DLGAP1: variants seen among roughly 807,000 people sequenced by gnomAD.
DLGAP1 encodes the protein disks large-associated protein 1.
DLGAP1 carries 11 observed loss-of-function variants against 90.8 expected under a neutral mutation model. That is an observed-to-expected ratio of 0.12 (90% CI 0.08 to 0.20). The LOEUF (loss-of-function observed/expected upper bound fraction) is 0.20. Ranked by LOEUF, DLGAP1 falls within the 10% of genes least tolerant of loss-of-function variation. DLGAP1 has a pLI of 1.00. For missense variants in DLGAP1, 1,050 were observed against 1,333.8 expected, an observed-to-expected ratio of 0.79 and a Z score of 3.31; for synonymous variants, 558 against 540.7, an observed-to-expected ratio of 1.03 and a Z score of -0.44.
At position 3,814,116 on chromosome 18, in the gene DLGAP1, C is replaced by T. The variant is rs1188288808; in HGVS notation, c.1115G>A (p.Arg372Gln). ...SPKPSPKVAA[R>Q]RESYLKATQP... Reference sequence around the variant, plus strand: ...AGTAGCCTTGAGATAGCTTTCTCTCCGCGCAGCAACTTTTGGAGAAGGCTT... The same window carrying T: ...AGTAGCCTTGAGATAGCTTTCTCTCTGCGCAGCAACTTTTGGAGAAGGCTT... Residue 372 changes from arginine (R) to glutamine (Q), a missense_variant, in exon 5 of 13, where the codon CGG becomes CAG. Arg to Gln is a conservative substitution (Grantham distance 43). Around this residue, in one of 2 missense-constraint regions of DLGAP1, gnomAD observed 565 missense variants for 879.7 expected, o/e 0.64. Coordinates refer to ENST00000315677, the MANE Select transcript of DLGAP1 (RefSeq NM_004746.4). 1.2e-6 allele frequency: 2 copies of T among 1,613,906 alleles called. No homozygotes were observed. Among genetic ancestry groups the T allele is most frequent in the Non-Finnish European group, 1.7e-6 (2 of 1,179,998 alleles).
intron 4 of DLGAP1, among the ~76,000 whole-genome samples, chr18:3,828,460 C>T (rs1289853348): frequency 1.3e-5 from 2 of 151,888 alleles, no homozygotes; most frequent in African/African-American, 4.8e-5. Flanking sequence ...GGCAACAGAG[C>T]AAGACCTCAT....
chr18:4,010,087 C>T (rs62083651), intron 2 of DLGAP1, among the ~76,000 whole-genome samples: 30,862 of 152,160 alleles, frequency 0.2, 3,282 homozygotes, highest in African/African-American at 0.28. Context: ...GACTCTACCA[C>T]AGGACATGAT....
At chr18:4,280,390 A>G (rs2079521223) in intron 1 of DLGAP1, among the ~76,000 whole-genome samples, 1 of 152,216 alleles carries the variant, frequency 6.6e-6, no homozygotes, top group Admixed American at 6.5e-5. Flanking sequence ...TCTTACTTAA[A>G]ACAAATGAAG....
chr18:3,945,488 T>C (rs1254914250), intron 3 of DLGAP1, among the ~76,000 whole-genome samples: 2 of 152,180 alleles, frequency 1.3e-5, no homozygotes, highest in African/African-American at 4.8e-5. Flanking sequence ...AGTGGTACGA[T>C]TGGTTCTAAT....
At chr18:3,590,893 A>T (rs2056199487) in intron 7 of DLGAP1, among the ~76,000 whole-genome samples, 2 of 152,060 alleles carry the variant, frequency 1.3e-5, no homozygotes, top group Non-Finnish European at 2.9e-5. Context: ...AACAAAGAAA[A>T]TTGAATGTAA....
intron 9 of DLGAP1, among the ~76,000 whole-genome samples, chr18:3,558,827 T>A (rs969213917): frequency 2.6e-5 from 4 of 152,248 alleles, no homozygotes; most frequent in Non-Finnish European, 5.9e-5. Flanking sequence ...TCTGACAATC[T>A]CTGTCTTTTA....
At chr18:4,201,870 T>C (rs975851837) in intron 1 of DLGAP1, among the ~76,000 whole-genome samples, 6 of 152,074 alleles carry the variant, frequency 3.9e-5, no homozygotes, top group African/African-American at 1.4e-4. Flanking sequence ...TTATATACTA[T>C]TAGGGGAATG....
At chr18:4,362,651 G>C (rs552096234) in intron 1 of DLGAP1, among the ~76,000 whole-genome samples, 1 of 152,172 alleles carries the variant, frequency 6.6e-6, no homozygotes, top group Non-Finnish European at 1.5e-5. Context: ...CCTGGAGATG[G>C]ACGGTGGTGA....
intron 2 of DLGAP1, among the ~76,000 whole-genome samples, chr18:4,048,626 G>C (rs1051057500): frequency 6.6e-6 from 1 of 152,182 alleles, no homozygotes; most frequent in Non-Finnish European, 1.5e-5. Context: ...TGAAAACTGT[G>C]ACCTGACCAA....
intron 7 of DLGAP1, among the ~76,000 whole-genome samples, chr18:3,618,522 T>A (rs866681175): frequency 6.6e-6 from 1 of 150,778 alleles, no homozygotes; most frequent in Non-Finnish European, 1.5e-5. Context: ...CTGCAGGGAG[T>A]TGGCACTGGT....
chr18:4,300,711 A>G (rs1185415630), intron 1 of DLGAP1, among the ~76,000 whole-genome samples: 1 of 152,098 alleles, frequency 6.6e-6, no homozygotes, highest in Non-Finnish European at 1.5e-5. Flanking sequence ...GTACATGGTT[A>G]TACACTTTGA....
chr18:3,763,882 G>A (rs1217425151), intron 5 of DLGAP1, among the ~76,000 whole-genome samples: 1 of 152,016 alleles, frequency 6.6e-6, no homozygotes, highest in African/African-American at 2.4e-5. Flanking sequence ...GGCTGGTCGC[G>A]AACTACTGAC....
At chr18:4,026,743 T>C (rs1055687767) in intron 2 of DLGAP1, among the ~76,000 whole-genome samples, 6 of 152,242 alleles carry the variant, frequency 3.9e-5, no homozygotes, top group Non-Finnish European at 5.9e-5. Context: ...AAATAGTCTA[T>C]TCAGTGAAAC....
intron 1 of DLGAP1, among the ~76,000 whole-genome samples, chr18:4,269,503 A>G (rs957332297): frequency 6.8e-4 from 103 of 151,854 alleles, no homozygotes; most frequent in South Asian, 1.9e-3. Context: ...ACAGGAGCCC[A>G]CCACCATGCG....
chr18:3,956,966 ACTCAT>A (rs2073097922), intron 3 of DLGAP1, among the ~76,000 whole-genome samples: 1 of 152,058 alleles, frequency 6.6e-6, no homozygotes, highest in African/African-American at 2.4e-5. Flanking sequence ...TTTCTTATTT[ACTCAT>A]CTCTTTTCCA....
At chr18:4,033,113 C>A (rs903287519) in intron 2 of DLGAP1, among the ~76,000 whole-genome samples, 3 of 152,194 alleles carry the variant, frequency 2.0e-5, no homozygotes, top group Admixed American at 6.5e-5. Context: ...AGTTCTCAAC[C>A]TTTCCCTAGT....
chr18:3,662,516 A>G (rs1459895229), intron 7 of DLGAP1, among the ~76,000 whole-genome samples: 3 of 152,196 alleles, frequency 2.0e-5, no homozygotes, highest in Non-Finnish European at 2.9e-5. Context: ...GTATTAGTGG[A>G]CACATAATCA....
intron 1 of DLGAP1, among the ~76,000 whole-genome samples, chr18:4,226,028 G>A (rs1598661909): frequency 6.6e-6 from 1 of 152,164 alleles, no homozygotes; most frequent in South Asian, 2.1e-4. Context: ...ATTAAAGAAA[G>A]AGTCCTAAAA....
At chr18:3,749,669 T>G (rs2063422053) in intron 5 of DLGAP1, among the ~76,000 whole-genome samples, 1 of 152,204 alleles carries the variant, frequency 6.6e-6, no homozygotes. Flanking sequence ...AGTCTAGAGA[T>G]CTCTTGAACT....
Sources: gnomAD v4.1 joint callset for allele counts (sites outside exome capture counted in the v4.1 genomes callset) on GRCh38, gnomAD v4.1.1 for gene constraint, gnomAD v4.1.1 regional missense constraint, MANE v1.5 for transcripts, NCBI Gene and HGNC (gene_info 2026-07-23, HGNC 2026-07-21) for gene names.